Variants in CASP5 observed in about 807,000 individuals in gnomAD.
CASP5 encodes caspase 5, also known as caspase-5.
Under a neutral mutation model 45.2 loss-of-function variants are expected in CASP5, and 42 were observed. The ratio of observed to expected loss-of-function variants is 0.93; its 90% confidence interval spans 0.73 to 1.20. CASP5 has a LOEUF of 1.20. CASP5 is among the 50% of genes most tolerant of loss of function. The pLI is 0.00. For synonymous variants in CASP5, 209 were observed against 186.2 expected (o/e 1.12, Z -1.00); for missense variants, 512 against 532.2 (o/e 0.96, Z 0.37).
chr11:105,020,999 A>G (rs1322905611), intron 1 of CASP5, among the ~76,000 whole-genome samples: 1 of 152,010 alleles, frequency 6.6e-6, no homozygotes, highest in African/African-American at 2.4e-5. Context: ...CTCAGAAATA[A>G]TGCCGCATAT....
At chr11:105,020,839 C>T (rs1862916730) in intron 1 of CASP5, among the ~76,000 whole-genome samples, 2 of 152,068 alleles carry the variant, frequency 1.3e-5, no homozygotes, top group East Asian at 3.9e-4. Flanking sequence ...AAAAAAGAGC[C>T]CGCATTGCCA....
rs1280283288 is a variant in CASP5, at chr11:105,008,970, G to A, written c.18C>T (p.Gly6=). The A allele has an allele frequency of 1.2e-6, 2 of 1,603,284 alleles. No homozygotes were observed. Among genetic ancestry groups the A allele is most frequent in the Non-Finnish European group, 1.7e-6 (2 of 1,174,448 alleles). The change falls in exon 2 of 10, where the codon GGC becomes GGT. Residue 6 remains glycine, a synonymous_variant. Transcript: ENST00000260315. MAEDS[G]KKKRRKNFEA... ...CAAAATTCTTACGCCTTTTTTTTTT[G>A]CCACTGTCTTCTATCAGAAATATAA...
intron 2 of CASP5, among the ~76,000 whole-genome samples, chr11:105,008,098 T>G (rs2134722298): frequency 6.6e-6 from 1 of 152,238 alleles, no homozygotes; most frequent in East Asian, 1.9e-4. Flanking sequence ...TGCCTGGCCC[T>G]CTTCTAATTA....
intron 6 of CASP5, among the ~76,000 whole-genome samples, chr11:104,999,729 C>A (rs1021835546): frequency 6.6e-6 from 1 of 151,958 alleles, no homozygotes; most frequent in Non-Finnish European, 1.5e-5. Context: ...AGAAACAAAA[C>A]AAAATATACA....
At chr11:105,001,251 A>AT (rs1398713721) in intron 5 of CASP5, among the ~76,000 whole-genome samples, 6 of 152,176 alleles carry the variant, frequency 3.9e-5, no homozygotes, top group Non-Finnish European at 5.9e-5. Context: ...ATATTGTGAG[A>AT]TTTTACCTCC....
chr11:105,009,955 C>A (rs1264634358), intron 1 of CASP5, among the ~76,000 whole-genome samples: 2 of 145,184 alleles, frequency 1.4e-5, no homozygotes, highest in Non-Finnish European at 3.0e-5. Flanking sequence ...ATATATATAT[C>A]AAAGTAATAA....
intron 1 of CASP5, among the ~76,000 whole-genome samples, chr11:105,018,329 A>G (rs543444850): frequency 9.2e-5 from 14 of 151,574 alleles, no homozygotes; most frequent in Admixed American, 3.9e-4. Flanking sequence ...ATGTAAATGG[A>G]CTAAATGCTC....
At position 105,008,985 on chromosome 11, in the gene CASP5, C is replaced by T; in HGVS notation, c.8-5G>A. The T allele has an allele frequency of 6.2e-7, 1 of 1,611,480 alleles. No individual in the cohort carries two copies. The highest frequency in any genetic ancestry group is 1.3e-5 in the African/African-American group (1 of 74,806). ...TTTTTTTTTTGCCACTGTCTTCTAT[C>T]AGAAATATAAAGACTCCTTCAACTC... On this transcript the variant is annotated splice_region_variant and splice_polypyrimidine_tract_variant and intron_variant, in intron 1 of 9. Coordinates refer to ENST00000260315, the MANE Select transcript of CASP5 (RefSeq NM_004347.5).
At chr11:104,998,836 G>A (rs1302739325) in intron 7 of CASP5, 49 bp downstream of exon 7, 3 of 1,582,120 alleles carry the variant, frequency 1.9e-6, no homozygotes, top group Admixed American at 3.5e-5. Flanking sequence ...ATCATTCAAA[G>A]GTGGCCTCAG....
At chr11:105,004,603 T>A (rs1176130645) in intron 3 of CASP5, among the ~76,000 whole-genome samples, 15 of 152,206 alleles carry the variant, frequency 9.9e-5, no homozygotes, top group Non-Finnish European at 2.2e-4. Context: ...TATTGTTCTG[T>A]ATAAAATTTA....
intron 1 of CASP5, among the ~76,000 whole-genome samples, chr11:105,017,491 G>C (rs1435102717): frequency 6.6e-6 from 1 of 151,414 alleles, no homozygotes; most frequent in South Asian, 2.1e-4. Context: ...ACCAAGGCTC[G>C]AGAACTACGT....
intron 5 of CASP5, 37 bp from the exon 6 acceptor site, chr11:105,000,532 C>G: frequency 6.3e-7 from 1 of 1,577,094 alleles, no homozygotes; most frequent in Non-Finnish European, 8.7e-7. Flanking sequence ...GTCAGAGAAG[C>G]ATCACAATTA....
In CASP5 at chr11:104,998,037, A is replaced by G. The variant is rs45618534; in HGVS notation, c.1097-545T>C. On this transcript the variant is annotated intron_variant, in intron 7 of 9. Transcript: ENST00000260315. ...TGCCAATAGTAAATAATACTGTCTT[A>G]TATACTTAAAAATTTGCAGAGAGTA... 5.8e-3 allele frequency among the ~76,000 whole-genome samples: 878 copies of G among 152,314 alleles called. 7 individuals are homozygous for G. Among genetic ancestry groups the G allele is most frequent in the African/African-American group, 0.018 (742 of 41,574 alleles).
At chr11:105,012,254 T>C (rs1459328330) in intron 1 of CASP5, among the ~76,000 whole-genome samples, 1 of 151,748 alleles carries the variant, frequency 6.6e-6, no homozygotes, top group African/African-American at 2.4e-5. Flanking sequence ...AAACGGGCCC[T>C]TATCTGCCAC....
At chr11:105,004,877 G>A (rs548072197) in intron 3 of CASP5, among the ~76,000 whole-genome samples, 1 of 152,140 alleles carries the variant, frequency 6.6e-6, no homozygotes, top group Admixed American at 6.5e-5. Flanking sequence ...GATATTACTG[G>A]TCTGAGGGTA....
At chr11:105,001,438 G>A (rs574008121) in intron 5 of CASP5, among the ~76,000 whole-genome samples, 5 of 152,228 alleles carry the variant, frequency 3.3e-5, no homozygotes, top group African/African-American at 9.6e-5. Context: ...AGGCCAAGGC[G>A]GGCAGATCAC....
In CASP5 at chr11:104,997,406, G is replaced by T; in HGVS notation, c.1183C>A (p.His395Asn). 1 of 1,609,732 alleles carries T rather than the reference G, an allele frequency of 6.2e-7. No individual in the cohort carries two copies. Among genetic ancestry groups the T allele is most frequent in the Non-Finnish European group, 8.5e-7 (1 of 1,176,160 alleles). Reference sequence around the variant, plus strand: ...ACCTTCCGAAATATTTCCATTAGGTGGCAGCAGCAAGAATATTTCTGGAAG... The same window carrying T: ...ACCTTCCGAAATATTTCCATTAGGTTGCAGCAGCAAGAATATTTCTGGAAG... ...TCFQKYSCCC[H>N]LMEIFRKVQK... Residue 395 changes from histidine to asparagine, a missense_variant, in exon 8 of 10, where the codon CAC becomes AAC. His to Asn is a moderately conservative substitution (Grantham distance 68). Coordinates refer to ENST00000260315, the MANE Select transcript of CASP5 (RefSeq NM_004347.5).
At position 105,019,450 on chromosome 11, in the gene CASP5, G is replaced by A. The variant is rs916748603; in HGVS notation, c.7+3680C>T. Among the ~76,000 whole-genome samples the A allele has an allele frequency of 1.1e-3, 162 of 150,066 alleles. 1 individual carries two copies. The highest frequency in any genetic ancestry group is 3.0e-3 in the Admixed American group (44 of 14,568). ...AAAAAGAGAGAAGAATCAAATAGACGCAATAAAAAATGATAATGGGGATAT... is the reference window on the plus strand; with the variant it reads ...AAAAAGAGAGAAGAATCAAATAGACACAATAAAAAATGATAATGGGGATAT... On this transcript the variant is annotated intron_variant, in intron 1 of 9. Coordinates refer to ENST00000260315, the MANE Select transcript of CASP5 (RefSeq NM_004347.5).
intron 1 of CASP5, among the ~76,000 whole-genome samples, chr11:105,012,371 C>A (rs1329238416): frequency 1.3e-5 from 2 of 151,546 alleles, no homozygotes; most frequent in African/African-American, 2.4e-5. Context: ...CTGGTATAGA[C>A]AATGATTTTT....
Sources: gnomAD v4.1 joint callset for allele counts (sites outside exome capture counted in the v4.1 genomes callset) on GRCh38, gnomAD v4.1.1 for gene constraint, MANE v1.5 for transcripts, NCBI Gene and HGNC (gene_info 2026-07-23, HGNC 2026-07-21) for gene names.